The following SCN2A variants were observed in gnomAD, a reference collection of about 807,000 sequenced individuals.
The protein encoded by SCN2A is sodium channel protein type 2 subunit alpha.
In SCN2A, 20 loss-of-function variants were observed where a neutral mutation model predicts 188.7. The observed-to-expected ratio is 0.11, with a 90% CI of 0.07 to 0.15. The LOEUF is 0.15. Among genes scored for constraint, SCN2A ranks in the 10% least tolerant of loss-of-function variants. The pLI is 1.00. For missense variants in SCN2A, 1,278 were observed against 2,445.0 expected (o/e 0.52, Z 10.07); for synonymous variants, 804 against 833.1 (o/e 0.97, Z 0.60).
rs1693996014 is a variant in SCN2A at position 165,249,394 on chromosome 2, C to T, written c.-52+9754C>T. On this transcript the variant is annotated intron_variant, in intron 1 of 26. Coordinates refer to ENST00000375437, the MANE Select transcript of SCN2A (RefSeq NM_001040142.2). Reference sequence around the variant, plus strand: ...TATTTTGTCCAGGACTTAATCATTGCAGTATTCTCACTGTCTAATCTCTAG... The same window carrying T: ...TATTTTGTCCAGGACTTAATCATTGTAGTATTCTCACTGTCTAATCTCTAG... Among the ~76,000 whole-genome samples, 4 of 152,038 alleles carry T rather than the reference C, an allele frequency of 2.6e-5. No individual in the cohort carries two copies. In the South Asian group the frequency reaches 6.2e-4, roughly 24 times the overall value.
At chr2:165,374,597 C>A in intron 21 of SCN2A, 88 bp from the exon 22 acceptor site, 2 of 1,417,350 alleles carry the variant, frequency 1.4e-6, no homozygotes, top group Non-Finnish European at 2.0e-6. Flanking sequence ...TTTTTTTAAT[C>A]ATTTGACTGT....
chr2:165,296,357 T>C (rs1006526985), intron 2 of SCN2A: 2 of 480,258 alleles, frequency 4.2e-6, no homozygotes, highest in Non-Finnish European at 3.8e-6. Flanking sequence ...ATTCACCTTC[T>C]TGAATACAAA....
Position 165,310,522 on chromosome 2 carries a change from A to G in SCN2A, c.897A>G (p.Ser299=), listed in dbSNP as rs143765389. The change falls in exon 7 of 27, where the codon TCA becomes TCG. Residue 299 remains serine (S), a synonymous_variant. Transcript: ENST00000375437. ...ATATCACTTCCTTCTTTAACAATTCATTGGATGGGAATGGTACTACTTTCA... is the reference window on the plus strand; with the variant it reads ...ATATCACTTCCTTCTTTAACAATTCGTTGGATGGGAATGGTACTACTTTCA... The part of the protein sequence containing the change: ...EINITSFFNN[S]LDGNGTTFNR... 174 of 1,613,088 alleles carry G rather than the reference A, an allele frequency of 1.1e-4. No homozygotes were observed. In the African/African-American group the frequency reaches 1.9e-3, roughly 18 times the overall value.
chr2:165,257,599 C>T (rs997613421), intron 1 of SCN2A, among the ~76,000 whole-genome samples: 1 of 151,942 alleles, frequency 6.6e-6, no homozygotes, highest in African/African-American at 2.4e-5. Flanking sequence ...AGTGCAGCGG[C>T]GCGATCTTGG....
At chr2:165,269,944 A>G (rs1230390495) in intron 1 of SCN2A, 4 of 151,602 alleles carry the variant, frequency 2.6e-5, no homozygotes, top group South Asian at 2.1e-4. Flanking sequence ...TTCAATCCCA[A>G]TTCTTCTCTT....
intron 26 of SCN2A, among the ~76,000 whole-genome samples, chr2:165,388,074 G>A (rs1275839694): frequency 6.6e-6 from 1 of 152,100 alleles, no homozygotes; most frequent in African/African-American, 2.4e-5. Context: ...CTTAGTAAAT[G>A]TTCAGTTTGA....
rs949763352 is a variant in SCN2A at position 165,328,798 on chromosome 2, A to C, written c.2149+1814A>C. ...AGAGTGTTTTCGTTTTATTATCTGCAGAGCTTTTGACTTGTGTATTTGTGA... is the reference window on the plus strand; with the variant it reads ...AGAGTGTTTTCGTTTTATTATCTGCCGAGCTTTTGACTTGTGTATTTGTGA... On this transcript the variant is annotated intron_variant, in intron 13 of 26. Transcript: ENST00000375437. Among the ~76,000 whole-genome samples, 7 of 152,108 alleles carry C rather than the reference A, an allele frequency of 4.6e-5. 1 individual carries two copies. Among genetic ancestry groups the C allele is most frequent in the Admixed American group, 4.6e-4 (7 of 15,266 alleles).
chr2:165,311,076 G>C (rs1254066692), intron 7 of SCN2A, among the ~76,000 whole-genome samples: 1 of 152,026 alleles, frequency 6.6e-6, no homozygotes, highest in Non-Finnish European at 1.5e-5. Context: ...GTGCTCCTCA[G>C]AAGGTTAAGT....
chr2:165,380,572 C>T lies in SCN2A; in HGVS notation c.4309-20C>T, dbSNP rs1701550419. On this transcript the variant is annotated intron_variant, in intron 23 of 26. Coordinates refer to ENST00000375437, the MANE Select transcript of SCN2A (RefSeq NM_001040142.2). ...AAACAAGTACTAGATATAATGGTTACAATTCTTCATATTCTTTAGGTAGAA... is the reference window on the plus strand; with the variant it reads ...AAACAAGTACTAGATATAATGGTTATAATTCTTCATATTCTTTAGGTAGAA... 6.5e-7 allele frequency: 1 copy of T among 1,546,232 alleles called. No homozygotes were observed. Among genetic ancestry groups the T allele is most frequent in the Non-Finnish European group, 8.9e-7 (1 of 1,120,048 alleles).
intron 25 of SCN2A, among the ~76,000 whole-genome samples, 186 bp downstream of exon 25, chr2:165,381,383 AATG>A (rs1460935289): frequency 6.6e-6 from 1 of 151,860 alleles, no homozygotes; most frequent in Non-Finnish European, 1.5e-5. Context: ...TAAATTATAT[AATG>A]CATAACATAT....
chr2:165,252,397 A>G (rs1694134687), intron 1 of SCN2A, among the ~76,000 whole-genome samples: 2 of 152,076 alleles, frequency 1.3e-5, no homozygotes, highest in Admixed American at 1.3e-4. Flanking sequence ...TATCAAGTAT[A>G]TATCATTTAA....
intron 20 of SCN2A, chr2:165,371,709 A>G (rs16850528): frequency 0.43 from 64,697 of 152,038 alleles, 13,995 homozygotes; most frequent in East Asian, 0.54. Context: ...AGAACCTGAG[A>G]TGCCATCCAA....
intron 1 of SCN2A, chr2:165,267,971 A>C (rs1404675028): frequency 6.6e-6 from 1 of 152,078 alleles, no homozygotes; most frequent in Non-Finnish European, 1.5e-5. Flanking sequence ...GGATGTGGAG[A>C]AAACAAAAGT....
chr2:165,272,031 A>G (rs2390162), intron 1 of SCN2A: 5 of 152,020 alleles, frequency 3.3e-5, no homozygotes, highest in Non-Finnish European at 7.4e-5. Context: ...ACATTCTTGC[A>G]TAGGTCTTTT....
intron 1 of SCN2A, among the ~76,000 whole-genome samples, chr2:165,255,528 C>T (rs1437907562): frequency 2.0e-5 from 3 of 152,048 alleles, no homozygotes; most frequent in African/African-American, 7.2e-5. Flanking sequence ...CATATCCTAA[C>T]AATTATTAAA....
Position 165,389,594 on chromosome 2 carries a change from A to G in SCN2A, c.5788A>G (p.Ser1930Gly), listed in dbSNP as rs886055001. 2.5e-6 allele frequency: 4 copies of G among 1,613,900 alleles called. No homozygotes were observed. Among genetic ancestry groups the G allele is most frequent in the South Asian group, 2.2e-5 (2 of 91,092 alleles). Reference sequence around the variant, plus strand: ...GAAGCAAAAAGTTAAAAAGGTATCAAGTATATACAAGAAAGACAAAGGCAA... The same window carrying G: ...GAAGCAAAAAGTTAAAAAGGTATCAGGTATATACAAGAAAGACAAAGGCAA... Reference protein sequence around the residue: ...LLKQKVKKVSSIYKKDKGKEC... With the variant: ...LLKQKVKKVSGIYKKDKGKEC... Residue 1930 changes from serine to glycine, a missense_variant, in exon 27 of 27, where the codon AGT becomes GGT. Physicochemically the swap from Ser to Gly is moderately conservative, Grantham distance 56. Around this residue, in one of 17 missense-constraint regions of SCN2A, gnomAD observed 109 missense variants for 137.9 expected, o/e 0.79. Coordinates refer to ENST00000375437, the MANE Select transcript of SCN2A (RefSeq NM_001040142.2). This position sits in a 1 kb window ranked among gnomAD's most constrained non-coding sequence, Gnocchi z 4.2.
chr2:165,344,473 A>G, intron 15 of SCN2A, 82 bp from the exon 16 acceptor site: 1 of 869,660 alleles, frequency 1.1e-6, no homozygotes, highest in Non-Finnish European at 1.6e-6. Flanking sequence ...AAAAATAAAA[A>G]ATAAAAAAAT....
chr2:165,379,027 C>G (rs1701459663), intron 23 of SCN2A, among the ~76,000 whole-genome samples: 1 of 151,684 alleles, frequency 6.6e-6, no homozygotes, highest in Non-Finnish European at 1.5e-5. Context: ...TTAAATAATC[C>G]TTTAAAAACA....
At chr2:165,352,349 G>A (rs868409522) in intron 16 of SCN2A, among the ~76,000 whole-genome samples, 1 of 152,016 alleles carries the variant, frequency 6.6e-6, no homozygotes, top group Middle Eastern at 3.4e-3. Context: ...ATCAAACGTG[G>A]TCTTCATTGG....
Sources: allele counts gnomAD v4.1 joint callset (sites outside exome capture counted in the v4.1 genomes callset), GRCh38; gene constraint gnomAD v4.1.1; regional missense constraint gnomAD v4.1.1; non-coding constraint Gnocchi (gnomAD v3.1); transcripts MANE v1.5; gene names NCBI Gene and HGNC (gene_info 2026-07-23, HGNC 2026-07-21).